The following CSTPP1 variants were observed in gnomAD, a reference collection of about 807,000 sequenced individuals.
The protein encoded by CSTPP1 is centriolar satellite-associated tubulin polyglutamylase complex regulator 1.
At chr11:47,151,506 C>A in the CSTPP1 span, among the ~76,000 whole-genome samples, 1 of 151,476 alleles carries the variant, frequency 6.6e-6, no homozygotes. Context: ...TGGCTGTGGA[C>A]GTGGAAAGAA....
chr11:47,151,034 G>A, the CSTPP1 span, among the ~76,000 whole-genome samples: 1 of 151,986 alleles, frequency 6.6e-6, no homozygotes. Context: ...TTACAGGCAT[G>A]AGCCACTGTG....
chr11:47,060,574 C>T, the CSTPP1 span, among the ~76,000 whole-genome samples: 1 of 152,144 alleles, frequency 6.6e-6, no homozygotes, highest in South Asian at 2.1e-4. Context: ...GCTGTGCCTG[C>T]TACCCCAGGT....
chr11:46,946,110 G>A, the CSTPP1 span, among the ~76,000 whole-genome samples: 1 of 152,186 alleles, frequency 6.6e-6, no homozygotes, highest in Non-Finnish European at 1.5e-5. Context: ...TAAGTTCTAA[G>A]CCATGTTGTT....
At chr11:47,159,291 CCT>C in the CSTPP1 span, among the ~76,000 whole-genome samples, 1 of 152,018 alleles carries the variant, frequency 6.6e-6, no homozygotes, top group Non-Finnish European at 1.5e-5. Context: ...AGGTGGATCA[CCT>C]AAGGTCAGGA....
chr11:47,094,950 A>G, the CSTPP1 span, among the ~76,000 whole-genome samples: 1 of 152,366 alleles, frequency 6.6e-6, no homozygotes, highest in African/African-American at 2.4e-5. Flanking sequence ...TCATTTTGGA[A>G]TAAAGGAAGA....
the CSTPP1 span, among the ~76,000 whole-genome samples, chr11:46,943,384 G>C: frequency 8.5e-5 from 13 of 152,302 alleles, no homozygotes; most frequent in South Asian, 2.3e-3. Flanking sequence ...AGTCCACATG[G>C]TTAAACTCTA....
the CSTPP1 span, among the ~76,000 whole-genome samples, chr11:46,967,917 C>T: frequency 1.3e-5 from 2 of 151,900 alleles, no homozygotes; most frequent in African/African-American, 4.8e-5. Context: ...AGGGCAGTAT[C>T]TCCTCTAAAA....
the CSTPP1 span, among the ~76,000 whole-genome samples, chr11:47,121,417 A>G: frequency 2.6e-5 from 4 of 152,144 alleles, no homozygotes; most frequent in Non-Finnish European, 5.9e-5. Flanking sequence ...GGCATTGCCT[A>G]TTAGTTAAGT....
the CSTPP1 span, among the ~76,000 whole-genome samples, chr11:47,106,504 G>A: frequency 2.0e-5 from 3 of 151,992 alleles, no homozygotes; most frequent in South Asian, 4.2e-4. Context: ...TTAGCCAGGC[G>A]TGGTGACACG....
the CSTPP1 span, among the ~76,000 whole-genome samples, chr11:46,972,430 G>A: frequency 6.6e-6 from 1 of 152,164 alleles, no homozygotes; most frequent in Non-Finnish European, 1.5e-5. Flanking sequence ...CTGTGGGATG[G>A]CAGTGCAGGG....
At chr11:47,146,835 C>T in the CSTPP1 span, among the ~76,000 whole-genome samples, 3 of 152,280 alleles carry the variant, frequency 2.0e-5, no homozygotes, top group South Asian at 6.2e-4. Context: ...GAATTCTTTC[C>T]AGCAGCTAAA....
At chr11:47,095,513 G>T in the CSTPP1 span, among the ~76,000 whole-genome samples, 2 of 152,276 alleles carry the variant, frequency 1.3e-5, no homozygotes, top group East Asian at 1.9e-4. Flanking sequence ...TCCTGCCAGG[G>T]TGTTGTAATA....
chr11:47,081,335 C>T, the CSTPP1 span, among the ~76,000 whole-genome samples: 2,629 of 151,810 alleles, frequency 0.017, 33 homozygotes, highest in Non-Finnish European at 0.024. Flanking sequence ...GAGATACCAG[C>T]CTCGTTAATA....
chr11:47,003,006 A>C, the CSTPP1 span, among the ~76,000 whole-genome samples: 1 of 152,188 alleles, frequency 6.6e-6, no homozygotes, highest in Non-Finnish European at 1.5e-5. Flanking sequence ...ATGTAAAGTC[A>C]GTCATCAAAA....
chr11:47,164,365 T>C, the CSTPP1 span: 4 of 1,197,548 alleles, frequency 3.3e-6, no homozygotes, highest in Middle Eastern at 2.5e-4. Flanking sequence ...TTTGTTTCAA[T>C]ACAAACAGTC....
chr11:47,029,506 AGCTGAG>A, the CSTPP1 span, among the ~76,000 whole-genome samples: 2 of 151,568 alleles, frequency 1.3e-5, no homozygotes, highest in Non-Finnish European at 2.9e-5. Flanking sequence ...CTACTTAAGA[AGCTGAG>A]GCAGCAGAAT....
At chr11:47,117,368 G>C in the CSTPP1 span, among the ~76,000 whole-genome samples, 3 of 152,132 alleles carry the variant, frequency 2.0e-5, no homozygotes, top group Non-Finnish European at 4.4e-5. Flanking sequence ...TGTCTGTAAA[G>C]GATTTTATTT....
chr11:46,994,413 A>C, the CSTPP1 span, among the ~76,000 whole-genome samples: 1 of 151,946 alleles, frequency 6.6e-6, no homozygotes, highest in Admixed American at 6.6e-5. Context: ...TGGCTGTGGG[A>C]TTGTCATAAA....
the CSTPP1 span, among the ~76,000 whole-genome samples, chr11:46,968,820 A>AC: frequency 6.6e-6 from 1 of 151,100 alleles, no homozygotes; most frequent in South Asian, 2.1e-4. Context: ...AATCGCTTGA[A>AC]CCCGGGGGGC....
Sources: allele counts gnomAD v4.1 joint callset (sites outside exome capture counted in the v4.1 genomes callset), GRCh38; gene constraint gnomAD v4.1.1; transcripts MANE v1.5; gene names NCBI Gene and HGNC (gene_info 2026-07-23, HGNC 2026-07-21).